Variants in DOCK2 observed in about 807,000 individuals in gnomAD.
The protein encoded by DOCK2 is dedicator of cytokinesis protein 2.
DOCK2 carries 87 observed loss-of-function variants against 248.9 expected under a neutral mutation model. The ratio of observed to expected loss-of-function variants is 0.35; its 90% CI spans 0.29 to 0.42. The LOEUF (loss-of-function observed/expected upper bound fraction) is 0.42, where lower values mean the gene tolerates loss of function less well. Ranked by LOEUF, DOCK2 falls within the 10% of genes least tolerant of loss-of-function variation. The pLI is 1.00. For missense variants in DOCK2, 1,747 were observed against 2,300.2 expected, an observed-to-expected ratio of 0.76 and a Z score of 4.92; for synonymous variants, 805 against 821.6, an observed-to-expected ratio of 0.98 and a Z score of 0.35.
In DOCK2 at chr5:169,681,991, T is replaced by G; in HGVS notation, c.606+112T>G. 3 of 1,441,842 alleles carry G rather than the reference T, an allele frequency of 2.1e-6. No individual in the cohort carries two copies. The East Asian group carries it at 7.1e-5, about 34-fold the overall frequency. 89.3% of individuals were successfully genotyped at this position (1,441,842 alleles called of 1,614,324 possible). A position where few individuals can be genotyped will look rare whatever the true frequency, so the allele number is the denominator to read the frequency against. On this transcript the variant is annotated intron_variant, in intron 7 of 51. Coordinates refer to ENST00000520908, the MANE Select transcript of DOCK2 (RefSeq NM_004946.3). The stretch of plus-strand genomic sequence containing the variant: ...GTGTATTATTCAAGGGGCATCTGTC[T>G]ATGACCTGAGATGATCAGCAACCAC...
At chr5:169,651,117 C>A (rs950691771) in intron 1 of DOCK2, among the ~76,000 whole-genome samples, 4 of 152,174 alleles carry the variant, frequency 2.6e-5, no homozygotes, top group African/African-American at 9.7e-5. Flanking sequence ...AGCCATCAAA[C>A]GTAGCAGAGG....
intron 46 of DOCK2, among the ~76,000 whole-genome samples, chr5:170,073,806 A>C (rs1757755031): frequency 1.3e-5 from 2 of 152,086 alleles, no homozygotes; most frequent in Non-Finnish European, 2.9e-5. Flanking sequence ...TTTCAATCCT[A>C]ATATTGGTTA....
At chr5:169,921,006 A>G (rs919138817) in intron 27 of DOCK2, among the ~76,000 whole-genome samples, 1 of 152,208 alleles carries the variant, frequency 6.6e-6, no homozygotes, top group Non-Finnish European at 1.5e-5. Flanking sequence ...GCACTTTCCT[A>G]ATTACCTTTG....
intron 32 of DOCK2, among the ~76,000 whole-genome samples, chr5:170,010,102 C>T (rs914213301): frequency 3.5e-4 from 54 of 152,178 alleles, no homozygotes. Flanking sequence ...ACCACACCCA[C>T]ATCAGAGTTT....
At chr5:169,832,722 G>A (rs956407196) in intron 26 of DOCK2, among the ~76,000 whole-genome samples, 1 of 152,166 alleles carries the variant, frequency 6.6e-6, no homozygotes, top group Non-Finnish European at 1.5e-5. Flanking sequence ...TTCTTTCTAG[G>A]TGTTTGTGGT....
At chr5:169,855,535 C>A (rs1006488582) in intron 27 of DOCK2, among the ~76,000 whole-genome samples, 1 of 152,066 alleles carries the variant, frequency 6.6e-6, no homozygotes, top group African/African-American at 2.4e-5. Flanking sequence ...TAGTGGGATG[C>A]AACTAGAGAT....
rs183639587 is a variant in DOCK2, at chr5:169,880,406, T to C, written c.2799+39554T>C. On this transcript the variant is annotated intron_variant, in intron 27 of 51. Coordinates refer to ENST00000520908, the MANE Select transcript of DOCK2 (RefSeq NM_004946.3). The stretch of plus-strand genomic sequence containing the variant: ...TTAAAAGAAGACATAGGCAACCCAA[T>C]TAGGCTCCAGTTTGCTCAGGCCCTA... Among the ~76,000 whole-genome samples, 634 of 152,324 alleles carry C rather than the reference T, an allele frequency of 4.2e-3. 5 individuals carry two copies. Among genetic ancestry groups the C allele is most frequent in the African/African-American group, 0.014 (594 of 41,560 alleles).
At chr5:169,972,766 T>C (rs1203660635) in intron 27 of DOCK2, among the ~76,000 whole-genome samples, 1 of 152,180 alleles carries the variant, frequency 6.6e-6, no homozygotes, top group Non-Finnish European at 1.5e-5. Context: ...GAGTGAGGAC[T>C]GAGGAATTGT....
chr5:169,692,596 TA>T, intron 9 of DOCK2, among the ~76,000 whole-genome samples: 1 of 151,544 alleles, frequency 6.6e-6, no homozygotes, highest in East Asian at 2.0e-4. Flanking sequence ...TTTGAGCAAG[TA>T]AAAAATTGTT....
chr5:169,708,192 G>A lies in DOCK2; in HGVS notation c.1407G>A (p.Gly469=). The change falls in exon 15 of 52, where the codon GGG becomes GGA. Residue 469 remains glycine, a synonymous_variant. Transcript: ENST00000520908. The stretch of plus-strand genomic sequence containing the variant: ...AGAATGCAATTTGCGTGGGAGCAGG[G>A]GACAAGCCCATGAATGAGTATCGCT... ...TLPNAICVGA[G]DKPMNEYRSV... 2 of 1,613,944 alleles carry A rather than the reference G, an allele frequency of 1.2e-6. No homozygotes were observed. Among genetic ancestry groups the A allele is most frequent in the Non-Finnish European group, 1.7e-6 (2 of 1,179,956 alleles).
At chr5:169,648,384 G>T (rs1757596896) in intron 1 of DOCK2, among the ~76,000 whole-genome samples, 2 of 152,198 alleles carry the variant, frequency 1.3e-5, no homozygotes, top group Admixed American at 6.5e-5. Flanking sequence ...ATCACTGTTT[G>T]AGAGAATTCA....
At chr5:169,658,183 C>G (rs1031732346) in intron 2 of DOCK2, among the ~76,000 whole-genome samples, 2 of 152,010 alleles carry the variant, frequency 1.3e-5, no homozygotes, top group Non-Finnish European at 2.9e-5. Context: ...GTTTCTTTTT[C>G]TTCTGCTAAA....
At chr5:169,844,288 G>C (rs922806302) in intron 27 of DOCK2, among the ~76,000 whole-genome samples, 3 of 152,282 alleles carry the variant, frequency 2.0e-5, no homozygotes, top group East Asian at 1.9e-4. Flanking sequence ...AAGTACTCCT[G>C]GATGCTGGCA....
intron 26 of DOCK2, among the ~76,000 whole-genome samples, chr5:169,819,586 A>G (rs576830339): frequency 2.8e-4 from 42 of 152,302 alleles, no homozygotes; most frequent in African/African-American, 9.4e-4. Context: ...ACACCACTGC[A>G]CTCCAGCCTG....
intron 27 of DOCK2, 81 bp downstream of exon 27, chr5:169,840,933 T>A: frequency 7.0e-7 from 1 of 1,430,826 alleles, no homozygotes; most frequent in Non-Finnish European, 9.6e-7. Flanking sequence ...GCAGATCACA[T>A]TGAACTCCCA....
At chr5:169,957,981 T>C (rs1431914672) in intron 27 of DOCK2, among the ~76,000 whole-genome samples, 1 of 152,208 alleles carries the variant, frequency 6.6e-6, no homozygotes, top group Non-Finnish European at 1.5e-5. Flanking sequence ...TCCTACCAGC[T>C]CACCTTGACT....
chr5:170,055,326 A>G lies in DOCK2; in HGVS notation c.4235A>G (p.Gln1412Arg), dbSNP rs747105426. 3.7e-6 allele frequency: 6 copies of G among 1,614,118 alleles called. No homozygotes were observed. The highest frequency in any genetic ancestry group is 5.1e-6 in the Non-Finnish European group (6 of 1,179,928). The change falls in exon 42 of 52, where the codon CAG (glutamine) becomes CGG (arginine). Residue 1412 changes from glutamine to arginine, a missense_variant. Physicochemically the swap from Gln to Arg is conservative, Grantham distance 43. This residue lies in a region of DOCK2 where 513 missense variants were observed against 586.1 expected (regional missense o/e 0.88). Transcript: ENST00000520908. ...CCAGATATCCAGTGCTTCACTGTCCAGCCTGTCTTGGATGAACATCCCAGG... is the reference window on the plus strand; with the variant it reads ...CCAGATATCCAGTGCTTCACTGTCCGGCCTGTCTTGGATGAACATCCCAGG... ...PGQYIQCFTV[Q>R]PVLDEHPRFK...
intron 26 of DOCK2, among the ~76,000 whole-genome samples, chr5:169,824,357 A>G (rs1269340182): frequency 6.6e-6 from 1 of 152,242 alleles, no homozygotes; most frequent in Non-Finnish European, 1.5e-5. Context: ...GCATCATGCT[A>G]CCTGACTTCA....
chr5:169,713,262 C>A (rs1463745055), intron 17 of DOCK2, among the ~76,000 whole-genome samples: 1 of 152,218 alleles, frequency 6.6e-6, no homozygotes, highest in African/African-American at 2.4e-5. Context: ...TTACTTACCC[C>A]CATTAGGTCC....
Sources: allele counts gnomAD v4.1 joint callset (sites outside exome capture counted in the v4.1 genomes callset), GRCh38; gene constraint gnomAD v4.1.1; regional missense constraint gnomAD v4.1.1; transcripts MANE v1.5; gene names NCBI Gene and HGNC (gene_info 2026-07-23, HGNC 2026-07-21).